The following DDX31 variants were observed in gnomAD, a reference collection of about 807,000 sequenced individuals.
DDX31 encodes ATP-dependent DNA helicase DDX31.
A neutral mutation model predicts 91.3 loss-of-function variants in DDX31; 70 were observed. That is an observed-to-expected ratio of 0.77 (90% confidence interval 0.63 to 0.94). The LOEUF is 0.94. Ranked by LOEUF, DDX31 falls within the 40% of genes least tolerant of loss-of-function variation. DDX31 has a pLI of 0.00. For synonymous variants in DDX31, 362 were observed against 350.6 expected (o/e 1.03, Z -0.36); for missense variants, 902 against 925.0 (o/e 0.98, Z 0.32).
intron 14 of DDX31, among the ~76,000 whole-genome samples, chr9:132,635,256 G>A (rs1235153577): frequency 2.0e-5 from 3 of 151,986 alleles, no homozygotes; most frequent in South Asian, 4.2e-4. Flanking sequence ...GAGACCATGC[G>A]AATAGCATGG....
intron 1 of DDX31, among the ~76,000 whole-genome samples, chr9:132,668,598 C>G (rs1590120224): frequency 6.7e-6 from 1 of 148,742 alleles, no homozygotes; most frequent in East Asian, 2.0e-4. Context: ...GACGGAGTCT[C>G]GTTCTGTTGC....
chr9:132,661,026 G>A (rs1359560812), intron 4 of DDX31, 182 bp downstream of exon 4: 3 of 621,228 alleles, frequency 4.8e-6, no homozygotes, highest in Non-Finnish European at 8.6e-6. Context: ...TGGAAAGCCA[G>A]TCTTTCCATT....
At chr9:132,600,238 G>C (rs978620501) in intron 19 of DDX31, among the ~76,000 whole-genome samples, 4 of 152,224 alleles carry the variant, frequency 2.6e-5, no homozygotes, top group African/African-American at 9.6e-5. Context: ...TTCTGGTAGA[G>C]AAGTATGCTG....
chr9:132,638,232 T>C (rs1351869046), intron 14 of DDX31: 3 of 1,572,138 alleles, frequency 1.9e-6, no homozygotes, highest in East Asian at 2.3e-5. Flanking sequence ...GAAAACCTAA[T>C]GTCAGCCTTA....
At chr9:132,597,528 T>C (rs546775116) in intron 19 of DDX31, among the ~76,000 whole-genome samples, 1 of 152,254 alleles carries the variant, frequency 6.6e-6, no homozygotes, top group East Asian at 1.9e-4. Context: ...CAAAATATGC[T>C]CCCCAGCATA....
At chr9:132,608,341 T>A (rs1385225932) in intron 19 of DDX31, among the ~76,000 whole-genome samples, 1 of 152,180 alleles carries the variant, frequency 6.6e-6, no homozygotes, top group Non-Finnish European at 1.5e-5. Context: ...CTTGCAGAAC[T>A]GAGCACTGGA....
chr9:132,666,123 TCACACAAC>T (rs943735077), intron 1 of DDX31, among the ~76,000 whole-genome samples: 4 of 152,328 alleles, frequency 2.6e-5, no homozygotes, highest in Non-Finnish European at 5.9e-5. Context: ...GTTTTTAAAT[TCACACAAC>T]CACACAACCA....
In DDX31 at chr9:132,645,798, T is replaced by C. The variant is rs1564320655; in HGVS notation, c.1380+97A>G. ...GTGGAGTGTGCAAGGGTCGTAGCCA[T>C]TGCTGAGCCTAAAGACCAGGTTTGC... On this transcript the variant is annotated intron_variant, in intron 13 of 19. Transcript: ENST00000372159. 3 of 1,373,254 alleles carry C rather than the reference T, an allele frequency of 2.2e-6. No individual in the cohort carries two copies. The East Asian group carries it at 7.5e-5, about 34-fold the overall frequency. The allele number at this position is 1,373,254 out of a possible 1,614,324, so 85.1% of individuals were successfully genotyped here. A position where few individuals can be genotyped will look rare whatever the true frequency, so the allele number is the denominator to read the frequency against.
chr9:132,606,748 T>G (rs1831050174), intron 19 of DDX31, among the ~76,000 whole-genome samples: 1 of 152,122 alleles, frequency 6.6e-6, no homozygotes, highest in Non-Finnish European at 1.5e-5. Flanking sequence ...GGTGTCTGTG[T>G]GATTCAATCC....
intron 1 of DDX31, among the ~76,000 whole-genome samples, chr9:132,668,418 G>A (rs546461081): frequency 2.4e-4 from 36 of 152,188 alleles, no homozygotes; most frequent in African/African-American, 8.2e-4. Context: ...CCTCATTCCT[G>A]AAACAAACGA....
At chr9:132,663,231 C>G (rs933076318) in intron 1 of DDX31, 20 of 1,289,104 alleles carry the variant, frequency 1.6e-5, no homozygotes, top group Non-Finnish European at 2.0e-5. Context: ...CCATTCTACC[C>G]TAGCGCCTGG....
chr9:132,636,700 G>T (rs1475770221), intron 14 of DDX31, among the ~76,000 whole-genome samples: 1 of 152,170 alleles, frequency 6.6e-6, no homozygotes, highest in Non-Finnish European at 1.5e-5. Flanking sequence ...TGCGTGTGTT[G>T]GGGGAACCTC....
At chr9:132,615,249 A>G (rs1379566367) in intron 18 of DDX31, among the ~76,000 whole-genome samples, 1 of 152,196 alleles carries the variant, frequency 6.6e-6, no homozygotes, top group African/African-American at 2.4e-5. Context: ...GGACATTTGG[A>G]TCAGAAACTA....
chr9:132,608,239 G>A lies in DDX31; in HGVS notation c.1994+3848C>T, dbSNP rs377390797. On this transcript the variant is annotated intron_variant, in intron 19 of 19. Transcript: ENST00000372159. Reference sequence around the variant, plus strand: ...ATGTCTATGTCGGTGTTTGGGGTGGGGGCTGTTTTGACAGGTTTGCGTGTA... The same window carrying A: ...ATGTCTATGTCGGTGTTTGGGGTGGAGGCTGTTTTGACAGGTTTGCGTGTA... Among the ~76,000 whole-genome samples, 5 of 152,246 alleles carry A rather than the reference G, an allele frequency of 3.3e-5. No homozygotes were observed. The East Asian group carries it at 7.7e-4, about 23-fold the overall frequency.
rs957854569 is a variant in DDX31 at position 132,618,318 on chromosome 9, A to C, written c.1825+12T>G. 6.2e-7 allele frequency: 1 copy of C among 1,605,716 alleles called. No homozygotes were observed. The highest frequency in any genetic ancestry group is 8.5e-7 in the Non-Finnish European group (1 of 1,175,920). On this transcript the variant is annotated intron_variant, in intron 18 of 19. Transcript: ENST00000372159. The stretch of plus-strand genomic sequence containing the variant: ...GCTATCCACTGCGCAAGCACCTAGG[A>C]AATCGACTGACCTTTCTTTGCCCAG...
intron 19 of DDX31, among the ~76,000 whole-genome samples, 172 bp downstream of exon 19, chr9:132,611,915 C>T (rs1014977010): frequency 6.6e-6 from 1 of 152,104 alleles, no homozygotes; most frequent in African/African-American, 2.4e-5. Flanking sequence ...AAGGAGGCAC[C>T]CCTGAATTTC....
At chr9:132,648,066 A>C (rs550477078) in intron 11 of DDX31, 123 bp downstream of exon 11, 8 of 718,796 alleles carry the variant, frequency 1.1e-5, no homozygotes, top group Non-Finnish European at 1.8e-5. Context: ...TTCTAAGGAC[A>C]GCTCTCTCCC....
At chr9:132,633,958 AACACCGTGAGG>A (rs1368639448) in intron 14 of DDX31, among the ~76,000 whole-genome samples, 7 of 152,312 alleles carry the variant, frequency 4.6e-5, no homozygotes, top group Admixed American at 3.9e-4. Flanking sequence ...GAACATGTTG[AACACCGTGAGG>A]ACACAATTAG....
chr9:132,602,589 G>C (rs961348247), intron 19 of DDX31, among the ~76,000 whole-genome samples: 2 of 152,106 alleles, frequency 1.3e-5, no homozygotes, highest in African/African-American at 2.4e-5. Context: ...AGACCTAGAG[G>C]AAACTGGAAA....
Sources: gnomAD v4.1 joint callset for allele counts (sites outside exome capture counted in the v4.1 genomes callset) on GRCh38, gnomAD v4.1.1 for gene constraint, MANE v1.5 for transcripts, NCBI Gene and HGNC (gene_info 2026-07-23, HGNC 2026-07-21) for gene names.